Variants in DHX16 observed in about 807,000 individuals in gnomAD.
DHX16 encodes the protein DEAH-box helicase 16.
DHX16 carries 81 observed loss-of-function variants against 131.2 expected under a neutral mutation model. The ratio of observed to expected loss-of-function variants is 0.62; its 90% CI spans 0.52 to 0.74. DHX16 has a LOEUF of 0.74. DHX16 is among the 30% of genes least tolerant of loss of function. DHX16 has a pLI of 0.00. For synonymous variants in DHX16, 440 were observed against 520.2 expected, an observed-to-expected ratio of 0.85 and a Z score of 2.10; for missense variants, 980 against 1,363.1, an observed-to-expected ratio of 0.72 and a Z score of 4.43.
intron 7 of DHX16, 79 bp downstream of exon 7, chr6:30,664,722 T>C: frequency 7.7e-7 from 1 of 1,306,196 alleles, no homozygotes; most frequent in East Asian, 2.3e-5. Context: ...ACTAAAAATA[T>C]AATGTAAAAG....
intron 4 of DHX16, among the ~76,000 whole-genome samples, chr6:30,668,599 C>T (rs1561996506): frequency 6.6e-6 from 1 of 151,718 alleles, no homozygotes; most frequent in African/African-American, 2.4e-5. Flanking sequence ...TGCAGTGAGC[C>T]GAGATCATGC....
At chr6:30,655,018 T>G in intron 18 of DHX16, 139 bp from the exon 19 acceptor site, 1 of 1,395,862 alleles carries the variant, frequency 7.2e-7, no homozygotes, top group South Asian at 1.3e-5. Flanking sequence ...GAATGAACCT[T>G]CAGTGGTCTG....
rs775887737 is a variant in DHX16, at chr6:30,656,666, C to G, written c.2242G>C (p.Glu748Gln). 8.1e-6 allele frequency: 13 copies of G among 1,614,092 alleles called. No homozygotes were observed. In the South Asian group the frequency reaches 1.4e-4, roughly 18 times the overall value. The change falls in exon 14 of 20, where the codon GAG becomes CAG. Residue 748 changes from glutamate to glutamine, a missense_variant. By Grantham distance (29) the Glu-to-Gln change is conservative. Coordinates refer to ENST00000376442, the MANE Select transcript of DHX16 (RefSeq NM_003587.5). This position sits in a 1 kb window ranked among gnomAD's most constrained non-coding sequence, Gnocchi z 5.1. ...YTAWAYQHEL[E>Q]ETTVPEIQRT... Reference sequence around the variant, plus strand: ...TGGATCTCAGGCACTGTGGTTTCCTCAAGCTCGTGCTGATAGGCCCAGGCG... The same window carrying G: ...TGGATCTCAGGCACTGTGGTTTCCTGAAGCTCGTGCTGATAGGCCCAGGCG...
intron 2 of DHX16, 27 bp downstream of exon 2, chr6:30,671,009 T>G: frequency 4.3e-6 from 7 of 1,612,940 alleles, no homozygotes; most frequent in Non-Finnish European, 5.9e-6. Flanking sequence ...GCCTGCCCCA[T>G]CCTCTCTCAC....
chr6:30,667,320 C>T (rs1431313703), intron 4 of DHX16, among the ~76,000 whole-genome samples: 2 of 152,080 alleles, frequency 1.3e-5, no homozygotes, highest in East Asian at 1.9e-4. Context: ...CGGTGGCTCA[C>T]GCCTGTAATC....
In DHX16 at chr6:30,656,511, T is replaced by C. The variant is rs1767999678; in HGVS notation, c.2312-2A>G. On this transcript the variant is annotated splice_acceptor_variant, in intron 14 of 19. Coordinates refer to ENST00000376442, the MANE Select transcript of DHX16 (RefSeq NM_003587.5). LOFTEE classifies it high-confidence loss of function. This position sits in a 1 kb window ranked among gnomAD's most constrained non-coding sequence, Gnocchi z 5.1. ...CAAAGTGCATTAGGTCATGGATCCC[T>C]AGAAAGAGGTGTGATGGATGGAACA... The C allele has an allele frequency of 3.7e-6, 6 of 1,614,152 alleles. No individual in the cohort carries two copies. The highest frequency in any genetic ancestry group is 4.2e-6 in the Non-Finnish European group (5 of 1,179,974).
In DHX16 at chr6:30,662,719, C is replaced by T. The variant is rs2127586782; in HGVS notation, c.1452G>A (p.Glu484=). 6.2e-7 allele frequency: 1 copy of T among 1,612,990 alleles called. No individual in the cohort carries two copies. The highest frequency in any genetic ancestry group is 2.2e-5 in the East Asian group (1 of 44,884). ...GGACAGTTCGCTCTGATGTGCAGTC[C>T]TCAAAGCGGATGCTGTAGCCAACCT... ...GNEVGYSIRF[E]DCTSERTVLR... is the part of the protein sequence containing the mutation. Residue 484 remains glutamate (E), a synonymous_variant, in exon 9 of 20, where the codon GAG becomes GAA. Coordinates refer to ENST00000376442, the MANE Select transcript of DHX16 (RefSeq NM_003587.5). The surrounding 1 kb of genome is among the most constrained non-coding windows in gnomAD (Gnocchi z 4.7).
Position 30,664,785 on chromosome 6 carries a change from G to C in DHX16, c.1317+16C>G. On this transcript the variant is annotated intron_variant, in intron 7 of 19. Coordinates refer to ENST00000376442, the MANE Select transcript of DHX16 (RefSeq NM_003587.5). ...TGCCAGGTGCCCTGGCAAGCTGAAG[G>C]GTGAGATGACTGTACCTCCTCAAAG... 6.2e-7 allele frequency: 1 copy of C among 1,602,396 alleles called. No homozygotes were observed. Among genetic ancestry groups the C allele is most frequent in the Non-Finnish European group, 8.5e-7 (1 of 1,171,256 alleles).
At chr6:30,653,994 C>T (rs1317139175) in intron 19 of DHX16, among the ~76,000 whole-genome samples, 1 of 152,016 alleles carries the variant, frequency 6.6e-6, no homozygotes, top group African/African-American at 2.4e-5. Context: ...TGGTGGGCAC[C>T]TGTAATCCCA....
chr6:30,661,833 C>A (rs1051715199), intron 9 of DHX16: 1 of 718,046 alleles, frequency 1.4e-6, no homozygotes, highest in Non-Finnish European at 2.6e-6. Flanking sequence ...GCATCAGACA[C>A]TCTTGCGCTG....
In DHX16 at chr6:30,656,543, C is replaced by T; in HGVS notation, c.2312-34G>A. ...AGGTGTGATGGATGGAACAGAGTCC[C>T]TTCAAAGGACAGTGACTCCAGCCCC... On this transcript the variant is annotated intron_variant, in intron 14 of 19. Coordinates refer to ENST00000376442, the MANE Select transcript of DHX16 (RefSeq NM_003587.5). The surrounding 1 kb of genome is among the most constrained non-coding windows in gnomAD (Gnocchi z 5.1). The T allele has an allele frequency of 6.2e-7, 1 of 1,614,142 alleles. No homozygotes were observed.
chr6:30,655,730 C>CTTTGT, intron 16 of DHX16, 133 bp from the exon 17 acceptor site: 1 of 988,140 alleles, frequency 1.0e-6, no homozygotes, highest in Non-Finnish European at 1.5e-6. Flanking sequence ...GGCTACAAAG[C>CTTTGT]AGCCAGCAGA....
chr6:30,660,123 AT>A lies in DHX16; in HGVS notation c.1663del (p.Met555TrpfsTer42), dbSNP rs747962748. On this transcript the variant is annotated frameshift_variant, in exon 10 of 20. Transcript: ENST00000376442. LOFTEE classifies it high-confidence loss of function. ...ELKVLVASATMDTARFSTFFD... is the reference protein window; with the variant it reads ...ELKVLVASATXDTARFSTFFD... ...GAAGGTGGAAAAACGGGCAGTGTCC[AT>A]TGTGGCTGAAGCCACCAGGACCTTG... The A allele has an allele frequency of 1.2e-6, 2 of 1,611,906 alleles. No individual in the cohort carries two copies. Among genetic ancestry groups the A allele is most frequent in the Non-Finnish European group, 1.7e-6 (2 of 1,179,470 alleles).
rs763831940 is a variant in DHX16, at chr6:30,657,060, T to G, written c.2040A>C (p.Ser680=). 6.2e-7 allele frequency: 1 copy of G among 1,612,868 alleles called. No individual in the cohort carries two copies. The highest frequency in any genetic ancestry group is 8.5e-7 in the Non-Finnish European group (1 of 1,179,972). ...CATAAATGATGCCCTCAATGGTGAGTGATGTCTCAGCAATGTTCGTTGCCA... is the reference window on the plus strand; with the variant it reads ...CATAAATGATGCCCTCAATGGTGAGGGATGTCTCAGCAATGTTCGTTGCCA... ...VVVATNIAET[S]LTIEGIIYVL... is the part of the protein sequence containing the mutation. Residue 680 remains serine (S), a synonymous_variant, in exon 13 of 20, where the codon TCA becomes TCC. Transcript: ENST00000376442.
At chr6:30,655,710 T>C in intron 16 of DHX16, 113 bp from the exon 17 acceptor site, 1 of 1,271,632 alleles carries the variant, frequency 7.9e-7, no homozygotes, top group Non-Finnish European at 1.1e-6. Flanking sequence ...GGAAGGCTGG[T>C]TGGCATAATG....
chr6:30,660,272 A>G, intron 9 of DHX16, 30 bp from the exon 10 acceptor site: 1 of 1,506,198 alleles, frequency 6.6e-7, no homozygotes, highest in East Asian at 2.3e-5. Context: ...GCAATGAGGG[A>G]AGAGCGCTAG....
Position 30,672,917 on chromosome 6 carries a change from G to A in DHX16, c.-76C>T. 6.3e-7 allele frequency: 1 copy of A among 1,584,360 alleles called. No homozygotes were observed. The highest frequency in any genetic ancestry group is 8.6e-7 in the Non-Finnish European group (1 of 1,165,608). Reference sequence around the variant, plus strand: ...CACTGCTGGGCCGGTCAGAGGCCTGGAGCCCTCGGCTGGAGCCTCAGCTTC... The same window carrying A: ...CACTGCTGGGCCGGTCAGAGGCCTGAAGCCCTCGGCTGGAGCCTCAGCTTC... On this transcript the variant is annotated 5_prime_UTR_variant, in exon 1 of 20. Transcript: ENST00000376442.
Position 30,657,040 on chromosome 6 carries a change from A to G in DHX16, c.2060T>C (p.Ile687Thr). 1.2e-6 allele frequency: 2 copies of G among 1,612,990 alleles called. No homozygotes were observed. Among genetic ancestry groups the G allele is most frequent in the Non-Finnish European group, 1.7e-6 (2 of 1,179,986 alleles). ...AETSLTIEGI[I>T]YVLDPGFCKQ... is the part of the protein sequence containing the mutation. ...ACAGAACCCTGGATCCAGCACATAA[A>G]TGATGCCCTCAATGGTGAGTGATGT... Residue 687 changes from isoleucine (I) to threonine (T), a missense_variant, in exon 13 of 20, where the codon ATT (isoleucine) becomes ACT (threonine). Coordinates refer to ENST00000376442, the MANE Select transcript of DHX16 (RefSeq NM_003587.5).
chr6:30,665,096 C>T lies in DHX16; in HGVS notation c.1100G>A (p.Arg367Gln), dbSNP rs1311785767. Residue 367 changes from arginine to glutamine, a missense_variant, in exon 6 of 20, where the codon CGG (arginine) becomes CAG (glutamine). By Grantham distance (43) the Arg-to-Gln change is conservative. Around this residue, in one of 3 missense-constraint regions of DHX16, gnomAD observed 457 missense variants for 554.8 expected, o/e 0.82. Transcript: ENST00000376442. The surrounding 1 kb of genome is among the most constrained non-coding windows in gnomAD (Gnocchi z 4.8). Reference protein sequence around the residue: ...LEEEETIEFVRATQLQGDEEP... With the variant: ...LEEEETIEFVQATQLQGDEEP... ...CTCATCACCCTGGAGCTGAGTGGCC[C>T]GGACAAACTCAATGGTCTCCTCCTC... The T allele has an allele frequency of 4.3e-6, 7 of 1,613,820 alleles. No homozygotes were observed. Among genetic ancestry groups the T allele is most frequent in the Admixed American group, 1.7e-5 (1 of 59,972 alleles).
Sources: allele counts gnomAD v4.1 joint callset (sites outside exome capture counted in the v4.1 genomes callset), GRCh38; gene constraint gnomAD v4.1.1; regional missense constraint gnomAD v4.1.1; non-coding constraint Gnocchi (gnomAD v3.1); transcripts MANE v1.5; gene names NCBI Gene and HGNC (gene_info 2026-07-23, HGNC 2026-07-21).